Variants in TEX11 observed in about 807,000 individuals in gnomAD.
TEX11 encodes the protein testis-expressed protein 11.
TEX11 carries 7 observed loss-of-function variants against 84.4 expected under a neutral mutation model. The observed-to-expected ratio is 0.08, with a 90% CI of 0.05 to 0.16. The LOEUF is 0.16. TEX11 is among the 10% of genes least tolerant of loss of function. The probability of loss-of-function intolerance (pLI) is 1.00; values close to 1 mark genes in which losing one functional copy is unlikely to be tolerated. For missense variants in TEX11, 551 were observed against 660.5 expected (o/e 0.83, Z 1.82); for synonymous variants, 264 against 222.8 (o/e 1.18, Z -1.64).
At chrX:70,529,233 T>G in intron 29 of TEX11, 46 bp from the exon 30 acceptor site, 2 of 1,064,074 alleles carry the variant, frequency 1.9e-6, no homozygotes, top group Middle Eastern at 5.0e-4. Context: ...GAAAAAGAAA[T>G]GTGGGAAAGC....
intron 8 of TEX11, among the ~76,000 whole-genome samples, chrX:70,816,959 G>T (rs2091289585): frequency 9.1e-6 from 1 of 110,007 alleles, no homozygotes; most frequent in Non-Finnish European, 1.9e-5. Flanking sequence ...AACATACAGG[G>T]GTACTGATTA....
rs778842147 is a variant in TEX11 at position 70,860,929 on chromosome X, A to G, written c.252T>C (p.Tyr84=). The change falls in exon 5 of 30, where the codon TAT becomes TAC. Residue 84 remains tyrosine (Y), a synonymous_variant. Coordinates refer to ENST00000374333, the MANE Select transcript of TEX11 (RefSeq NM_031276.3). ...VNEEQKIRLH[Y]VACKLLSMCE... Reference sequence around the variant, plus strand: ...ACATACTCAGCAACTTGCAAGCAACATAATGTACTGCAAAACAGTAATTAG... The same window carrying G: ...ACATACTCAGCAACTTGCAAGCAACGTAATGTACTGCAAAACAGTAATTAG... 1 of 1,169,908 alleles carries G rather than the reference A, an allele frequency of 8.5e-7. No homozygotes were observed. The highest frequency in any genetic ancestry group is 3.1e-5 in the East Asian group (1 of 32,062).
At chrX:70,684,430 G>A (rs912518323) in intron 13 of TEX11, among the ~76,000 whole-genome samples, 2 of 111,266 alleles carry the variant, frequency 1.8e-5, no homozygotes, top group Non-Finnish European at 3.8e-5. Context: ...TGCTAAAAAT[G>A]CAAAAATTAA....
intron 9 of TEX11, among the ~76,000 whole-genome samples, chrX:70,756,850 G>A (rs2090870959): frequency 8.9e-6 from 1 of 111,790 alleles, no homozygotes; most frequent in African/African-American, 3.3e-5. Flanking sequence ...CTAACCCATC[G>A]CAAGGAAGCT....
intron 13 of TEX11, among the ~76,000 whole-genome samples, chrX:70,692,796 C>T (rs2090247433): frequency 9.0e-6 from 1 of 111,051 alleles, no homozygotes; most frequent in South Asian, 3.8e-4. Context: ...GTGAAGATAT[C>T]TCTTTCAGAT....
chrX:70,745,358 T>C (rs2147750101), intron 9 of TEX11, among the ~76,000 whole-genome samples: 1 of 110,475 alleles, frequency 9.1e-6, no homozygotes, highest in African/African-American at 3.3e-5. Context: ...ACCATAAAAT[T>C]AGTATTCCAA....
chrX:70,744,692 A>G (rs1224827801), intron 9 of TEX11, among the ~76,000 whole-genome samples: 1 of 109,935 alleles, frequency 9.1e-6, no homozygotes, highest in African/African-American at 3.3e-5. Flanking sequence ...GAATATAAAT[A>G]TATATTTATT....
chrX:70,552,099 A>C lies in TEX11; in HGVS notation c.2520+27T>G, dbSNP rs374769792. On this transcript the variant is annotated intron_variant, in intron 28 of 29. Coordinates refer to ENST00000374333, the MANE Select transcript of TEX11 (RefSeq NM_031276.3). The stretch of plus-strand genomic sequence containing the variant: ...CAGTTCAGTTCTTTAAAATTAACTG[A>C]AAGTTTAATATCACTATTTGACTTA... The C allele has an allele frequency of 1.4e-5, 17 of 1,197,853 alleles. No individual in the cohort carries two copies. In the African/African-American group the frequency reaches 2.3e-4, roughly 16 times the overall value.
At chrX:70,893,976 G>T (rs780240177) in intron 2 of TEX11, among the ~76,000 whole-genome samples, 21 of 111,833 alleles carry the variant, frequency 1.9e-4, no homozygotes, top group Admixed American at 3.8e-4. Flanking sequence ...AAATCTAGAA[G>T]AAATGGATGA....
At chrX:70,761,417 A>G (rs890167975) in intron 9 of TEX11, among the ~76,000 whole-genome samples, 1 of 112,022 alleles carries the variant, frequency 8.9e-6, no homozygotes, top group Non-Finnish European at 1.9e-5. Flanking sequence ...ACACCATGGA[A>G]CACTATGCAG....
chrX:70,757,751 G>C (rs934668126), intron 9 of TEX11, among the ~76,000 whole-genome samples: 4 of 111,365 alleles, frequency 3.6e-5, no homozygotes, highest in African/African-American at 1.3e-4. Context: ...ATAATGACAG[G>C]ATCAAATTCA....
intron 2 of TEX11, among the ~76,000 whole-genome samples, chrX:70,892,587 G>T (rs2091744169): frequency 9.1e-6 from 1 of 110,438 alleles, no homozygotes; most frequent in Non-Finnish European, 1.9e-5. Context: ...ACAAAAAATT[G>T]CTGGGCGTGG....
chrX:70,682,853 A>C (rs763623388), intron 13 of TEX11, 28 bp from the exon 14 acceptor site: 1 of 1,191,099 alleles, frequency 8.4e-7, no homozygotes, highest in South Asian at 1.9e-5. Context: ...ATTTTAAGCA[A>C]TGCGAACAGA....
At chrX:70,811,116 G>A (rs1175065100) in intron 8 of TEX11, among the ~76,000 whole-genome samples, 1 of 111,089 alleles carries the variant, frequency 9.0e-6, no homozygotes, top group Admixed American at 9.5e-5. Flanking sequence ...ATGTTGGTGT[G>A]CTGCACCCAT....
chrX:70,530,644 A>G (rs2087874651), intron 28 of TEX11, among the ~76,000 whole-genome samples: 1 of 112,150 alleles, frequency 8.9e-6, no homozygotes, highest in South Asian at 3.8e-4. Context: ...CAAAGAAAGC[A>G]TTCATGTTAA....
chrX:70,732,375 A>T (rs1455195660), intron 11 of TEX11, among the ~76,000 whole-genome samples: 4 of 111,777 alleles, frequency 3.6e-5, no homozygotes, highest in African/African-American at 1.3e-4. Flanking sequence ...CTGTTTGCAG[A>T]TGACATGATT....
At position 70,834,695 on chromosome X, in the gene TEX11, C is replaced by T. The variant is rs552803444; in HGVS notation, c.526-1102G>A. Among the ~76,000 whole-genome samples the T allele has an allele frequency of 5.6e-5, 6 of 106,558 alleles. No homozygotes were observed. The South Asian group carries it at 1.3e-3, about 23-fold the overall frequency. The allele number at this position is 106,558 out of a possible 115,157, so 92.5% of individuals were successfully genotyped here. ...ACCTGCAATCCAGCTACTCGGGAGG[C>T]GGAGGTTGCAGCGAGCTGAGATCGA... On this transcript the variant is annotated intron_variant, in intron 7 of 29. Transcript: ENST00000374333.
chrX:70,543,605 T>C (rs2088076616), intron 28 of TEX11, among the ~76,000 whole-genome samples: 1 of 112,272 alleles, frequency 8.9e-6, no homozygotes, highest in Non-Finnish European at 1.9e-5. Context: ...AAATGTCCAA[T>C]GTTGAAGTTT....
At chrX:70,784,955 T>G (rs923541355) in intron 9 of TEX11, among the ~76,000 whole-genome samples, 3 of 111,945 alleles carry the variant, frequency 2.7e-5, no homozygotes, top group Non-Finnish European at 5.6e-5. Context: ...ATGACTTTCT[T>G]CACAGAATTG....
Sources: allele counts gnomAD v4.1 joint callset (sites outside exome capture counted in the v4.1 genomes callset), GRCh38; gene constraint gnomAD v4.1.1; transcripts MANE v1.5; gene names NCBI Gene and HGNC (gene_info 2026-07-23, HGNC 2026-07-21).